Variants in CATSPERG observed in about 807,000 individuals in gnomAD.
CATSPERG encodes catsper channel auxiliary subunit gamma.
In CATSPERG, 115 loss-of-function variants were observed where a neutral mutation model predicts 145.0. The ratio of observed to expected loss-of-function variants is 0.79; its 90% CI spans 0.68 to 0.93. The LOEUF (loss-of-function observed/expected upper bound fraction) is 0.93, where lower values mean the gene tolerates loss of function less well. Among genes scored for constraint, CATSPERG ranks in the 40% least tolerant of loss-of-function variants. The pLI, the probability that CATSPERG is intolerant of heterozygous loss-of-function variation, is 0.00. For missense variants in CATSPERG, 1,296 were observed against 1,490.1 expected (o/e 0.87, Z 2.14); for synonymous variants, 588 against 589.0 (o/e 1.00, Z 0.02).
rs58480745 is a variant in CATSPERG at position 38,367,420 on chromosome 19, G to A, written c.2771-89G>A. The A allele has an allele frequency of 2.5e-3, 3,945 of 1,556,788 alleles. 94 individuals carry two copies. In the African/African-American group the frequency reaches 0.048, roughly 19 times the overall value. On this transcript the variant is annotated intron_variant, in intron 23 of 28. Coordinates refer to ENST00000409235, the MANE Select transcript of CATSPERG (RefSeq NM_021185.5). ...CCGCAGACTACCCACCCTTTTTCCT[G>A]CGGCATCTCACTTTCCCCCGTCTCG...
In CATSPERG at chr19:38,346,516, C is replaced by T; in HGVS notation, c.736C>T (p.Gln246Ter). Reference sequence around the variant, plus strand: ...GAGGCCCTTGTGGCACACTGTGGACCAGTCACCTGTGCTTATCCTGGGAGG... The same window carrying T: ...GAGGCCCTTGTGGCACACTGTGGACTAGTCACCTGTGCTTATCCTGGGAGG... ...SSRPLWHTVDQSPVLILGGIP... is the reference protein window; with the variant it reads ...SSRPLWHTVD The change falls in exon 7 of 29, where the codon CAG becomes TAG. Residue 246 changes from glutamine (Q) to a stop codon, truncating the protein, a stop_gained. Transcript: ENST00000409235. LOFTEE classifies it high-confidence loss of function. The T allele has an allele frequency of 6.4e-7, 1 of 1,551,598 alleles. No individual in the cohort carries two copies. The highest frequency in any genetic ancestry group is 8.7e-7 in the Non-Finnish European group (1 of 1,146,878).
rs183221572 is a variant in CATSPERG at position 38,353,709 on chromosome 19, A to G, written c.998-1001A>G. ...GAGATGCCATCTCAAAAAAAAAAAA[A>G]AAAAAGAAAAAGGCCAGGCGCGGTG... On this transcript the variant is annotated intron_variant, in intron 8 of 28. Coordinates refer to ENST00000409235, the MANE Select transcript of CATSPERG (RefSeq NM_021185.5). 8.1e-3 allele frequency among the ~76,000 whole-genome samples: 1,204 copies of G among 148,738 alleles called. 17 individuals carry two copies. The highest frequency in any genetic ancestry group is 0.028 in the African/African-American group (1,130 of 40,370).
intron 14 of CATSPERG, chr19:38,359,784 A>G: frequency 3.0e-6 from 4 of 1,324,888 alleles, no homozygotes; most frequent in Non-Finnish European, 3.9e-6. Flanking sequence ...GACCGGAGCT[A>G]TGATCCGATG....
chr19:38,340,043 A>G (rs113452264), intron 3 of CATSPERG, among the ~76,000 whole-genome samples: 74 of 151,846 alleles, frequency 4.9e-4, no homozygotes, highest in Admixed American at 1.2e-3. Flanking sequence ...TAGTAGAGAC[A>G]GGGTTTCACC....
Position 38,356,554 on chromosome 19 carries a change from C to T in CATSPERG, c.1195+11C>T. Reference sequence around the variant, plus strand: ...GCGAGCAGATAGGAGGTACTCATTACCCCGATGGGTCTGCGGTGGGAGGCT... The same window carrying T: ...GCGAGCAGATAGGAGGTACTCATTATCCCGATGGGTCTGCGGTGGGAGGCT... On this transcript the variant is annotated intron_variant, in intron 10 of 28. Transcript: ENST00000409235. The T allele has an allele frequency of 6.2e-7, 1 of 1,613,108 alleles. No homozygotes were observed. Among genetic ancestry groups the T allele is most frequent in the African/African-American group, 1.3e-5 (1 of 74,980 alleles).
chr19:38,346,491 G>A lies in CATSPERG; in HGVS notation c.711G>A (p.Ser237=), dbSNP rs907126920. 5 of 1,550,498 alleles carry A rather than the reference G, an allele frequency of 3.2e-6. No individual in the cohort carries two copies. The highest frequency in any genetic ancestry group is 1.4e-5 in the African/African-American group (1 of 73,008). The stretch of plus-strand genomic sequence containing the variant: ...CCCAGTACTTTGTGGGTGTCTCATC[G>A]AGGCCCTTGTGGCACACTGTGGACC... ...LMPQYFVGVS[S]RPLWHTVDQS... Residue 237 remains serine, a synonymous_variant, in exon 7 of 29, where the codon TCG becomes TCA. Transcript: ENST00000409235.
At chr19:38,350,045 G>A (rs1010835699) in intron 7 of CATSPERG, among the ~76,000 whole-genome samples, 1 of 152,150 alleles carries the variant, frequency 6.6e-6, no homozygotes, top group Non-Finnish European at 1.5e-5. Flanking sequence ...TGGGCTCAAG[G>A]TGTTGGCCTC....
chr19:38,368,992 C>T (rs1048579869), intron 26 of CATSPERG, among the ~76,000 whole-genome samples: 7 of 151,776 alleles, frequency 4.6e-5, no homozygotes, highest in African/African-American at 1.5e-4. Context: ...CTAGTAGAGA[C>T]GGGGTTTCAC....
intron 21 of CATSPERG, 24 bp from the exon 22 acceptor site, chr19:38,365,037 A>G: frequency 2.5e-6 from 4 of 1,614,042 alleles, no homozygotes; most frequent in Non-Finnish European, 3.4e-6. Context: ...GGGGATCACC[A>G]TCTTCACCTG....
chr19:38,354,902 T>A, intron 9 of CATSPERG, 55 bp downstream of exon 9: 6 of 1,568,038 alleles, frequency 3.8e-6, no homozygotes, highest in Non-Finnish European at 4.3e-6. Context: ...CTCTCTCACC[T>A]CCGAGAATTC....
chr19:38,370,632 A>G lies in CATSPERG; in HGVS notation c.3320A>G (p.Asn1107Ser), dbSNP rs759065373. ...GCTMIRWKIN[N>S]LIASESYYTY... The stretch of plus-strand genomic sequence containing the variant: ...ACGATGATCCGGTGGAAGATAAACA[A>G]CCTCATTGCCTCAGAATCCTACTAC... The change falls in exon 29 of 29, where the codon AAC becomes AGC. Residue 1107 changes from asparagine (N) to serine (S), a missense_variant. Transcript: ENST00000409235. The G allele has an allele frequency of 1.9e-6, 3 of 1,613,896 alleles. No homozygotes were observed. The highest frequency in any genetic ancestry group is 1.1e-5 in the South Asian group (1 of 91,062).
At chr19:38,346,384 C>A in intron 6 of CATSPERG, 66 bp from the exon 7 acceptor site, 1 of 1,444,430 alleles carries the variant, frequency 6.9e-7, no homozygotes, top group East Asian at 2.6e-5. Flanking sequence ...GGCCTTGGAC[C>A]TAAATGAGAT....
chr19:38,362,320 C>T (rs1300978285), intron 18 of CATSPERG, 48 bp downstream of exon 18: 4 of 1,613,068 alleles, frequency 2.5e-6, no homozygotes, highest in African/African-American at 1.3e-5. Context: ...GCCCGGACAC[C>T]CCTCACCGTG....
intron 20 of CATSPERG, among the ~76,000 whole-genome samples, chr19:38,363,151 G>T (rs952866011): frequency 6.6e-6 from 1 of 152,068 alleles, no homozygotes; most frequent in African/African-American, 2.4e-5. Context: ...CGAGTCTCCT[G>T]CCTCAGCCTC....
chr19:38,365,698 G>GGT (rs564166835), intron 22 of CATSPERG: 1 of 145,776 alleles, frequency 6.9e-6, no homozygotes, highest in Non-Finnish European at 1.5e-5. Context: ...CAACAGGGCC[G>GGT]TTTTTTTTTT....
At position 38,344,014 on chromosome 19, in the gene CATSPERG, T is replaced by C; in HGVS notation, c.491T>C (p.Val164Ala). Residue 164 changes from valine (V) to alanine (A), a missense_variant, in exon 5 of 29, where the codon GTG becomes GCG. By Grantham distance (64) the Val-to-Ala change is moderately conservative (BLOSUM62 0). Transcript: ENST00000409235. The stretch of plus-strand genomic sequence containing the variant: ...GCAGAGCCATGCATGGCAGAAGAAG[T>C]GTGTAGCATGAGCTGGTACACGCCC... ...RSKEPCMAEE[V>A]CSMSWYTPMP... The C allele has an allele frequency of 6.4e-6, 10 of 1,550,712 alleles. No individual in the cohort carries two copies. The highest frequency in any genetic ancestry group is 7.8e-6 in the Non-Finnish European group (9 of 1,146,812).
chr19:38,339,860 C>CTT (rs113183115), intron 3 of CATSPERG, among the ~76,000 whole-genome samples: 11 of 144,850 alleles, frequency 7.6e-5, no homozygotes, highest in South Asian at 2.2e-4. Flanking sequence ...TGAGATTCTT[C>CTT]TTTTTTTTTT....
chr19:38,336,912 A>G lies in CATSPERG; in HGVS notation c.-14-309A>G, dbSNP rs936002671. ...ATTAGTAGGGCTGGGGCCCGGAGCAATAGCAGAGGTGCGATACCCACGAGG... is the reference window on the plus strand; with the variant it reads ...ATTAGTAGGGCTGGGGCCCGGAGCAGTAGCAGAGGTGCGATACCCACGAGG... On this transcript the variant is annotated intron_variant, in intron 1 of 28. Transcript: ENST00000409235. 11 of 466,086 alleles carry G rather than the reference A, an allele frequency of 2.4e-5. 1 individual carries two copies. Among genetic ancestry groups the G allele is most frequent in the African/African-American group, 2.2e-4 (11 of 50,306 alleles). The allele number at this position is 466,086 out of a possible 1,614,324, so 28.9% of individuals were successfully genotyped here. A position where few individuals can be genotyped will look rare whatever the true frequency, so the allele number is the denominator to read the frequency against.
Position 38,360,789 on chromosome 19 carries a change from A to C in CATSPERG, c.1826A>C (p.Glu609Ala). 6.2e-7 allele frequency: 1 copy of C among 1,612,352 alleles called. No homozygotes were observed. Among genetic ancestry groups the C allele is most frequent in the Admixed American group, 1.7e-5 (1 of 59,622 alleles). Residue 609 changes from glutamate to alanine, a missense_variant, in exon 16 of 29, where the codon GAG becomes GCG. By Grantham distance (107) the Glu-to-Ala change is moderately radical. Coordinates refer to ENST00000409235, the MANE Select transcript of CATSPERG (RefSeq NM_021185.5). Reference sequence around the variant, plus strand: ...CTGGTCAAGAGGCTCGTGCCCGTGGAGCAGCTTCTGATGTATCAACAGCAC... The same window carrying C: ...CTGGTCAAGAGGCTCGTGCCCGTGGCGCAGCTTCTGATGTATCAACAGCAC... ...GQLVKRLVPV[E>A]QLLMYQQHTS...
Sources: gnomAD v4.1 joint callset for allele counts (sites outside exome capture counted in the v4.1 genomes callset) on GRCh38, gnomAD v4.1.1 for gene constraint, MANE v1.5 for transcripts, NCBI Gene and HGNC (gene_info 2026-07-23, HGNC 2026-07-21) for gene names.